RELN: variants seen among roughly 807,000 people sequenced by gnomAD.
The protein encoded by RELN is reelin.
A neutral mutation model predicts 427.6 loss-of-function variants in RELN; 108 were observed. The observed-to-expected ratio is 0.25, with a 90% CI of 0.22 to 0.30. The LOEUF (loss-of-function observed/expected upper bound fraction) is 0.30, where lower values mean the gene tolerates loss of function less well. RELN is among the 10% of genes least tolerant of loss of function. The probability of loss-of-function intolerance (pLI) is 1.00; values close to 1 mark genes in which losing one functional copy is unlikely to be tolerated. For missense variants in RELN, 3,715 were observed against 4,302.8 expected (o/e 0.86, Z 3.82); for synonymous variants, 1,524 against 1,513.4 (o/e 1.01, Z -0.16).
intron 3 of RELN, among the ~76,000 whole-genome samples, chr7:103,828,935 C>T (rs1400064377): frequency 6.6e-6 from 1 of 151,856 alleles, no homozygotes; most frequent in Non-Finnish European, 1.5e-5. Flanking sequence ...ATAAAATAGA[C>T]AAGTGGTCAT....
chr7:103,940,870 C>T (rs998983143), intron 1 of RELN, among the ~76,000 whole-genome samples: 10 of 152,154 alleles, frequency 6.6e-5, no homozygotes, highest in South Asian at 2.1e-4. Flanking sequence ...GCTGTGAGTA[C>T]TATTTCCTTC....
intron 2 of RELN, among the ~76,000 whole-genome samples, chr7:103,887,065 T>C (rs1794739950): frequency 6.6e-6 from 1 of 152,210 alleles, no homozygotes. Context: ...GAATAGTTAC[T>C]CCAAAGCCTC....
intron 1 of RELN, among the ~76,000 whole-genome samples, chr7:103,929,217 C>T (rs1795808799): frequency 6.6e-6 from 1 of 152,114 alleles, no homozygotes; most frequent in Admixed American, 6.5e-5. Context: ...AAATAGTGGT[C>T]AGTGATCATG....
intron 5 of RELN, 28 bp downstream of exon 5, chr7:103,753,154 T>G (rs756385971): frequency 1.2e-6 from 2 of 1,612,330 alleles, no homozygotes; most frequent in South Asian, 1.1e-5. Context: ...GTACTAAAGT[T>G]AATGACATCA....
intron 19 of RELN, among the ~76,000 whole-genome samples, chr7:103,630,614 A>G (rs935693673): frequency 6.6e-6 from 1 of 152,206 alleles, no homozygotes; most frequent in African/African-American, 2.4e-5. Context: ...ATTAAGAATA[A>G]TATCTAATTT....
intron 10 of RELN, among the ~76,000 whole-genome samples, chr7:103,697,083 T>C (rs1833991873): frequency 6.6e-6 from 1 of 152,100 alleles, no homozygotes. Context: ...AAACAACAAA[T>C]ATTTCTTACA....
intron 1 of RELN, among the ~76,000 whole-genome samples, chr7:103,922,904 G>A (rs944566828): frequency 6.8e-6 from 1 of 147,114 alleles, no homozygotes; most frequent in African/African-American, 2.7e-5. Flanking sequence ...AAGAAATTAA[G>A]TAATACTCGA....
intron 2 of RELN, among the ~76,000 whole-genome samples, chr7:103,863,172 G>A (rs1440066349): frequency 6.6e-6 from 1 of 152,144 alleles, no homozygotes; most frequent in Non-Finnish European, 1.5e-5. Flanking sequence ...ATAAAAAGAG[G>A]TGGATCATTT....
At chr7:103,939,837 G>A (rs116609664) in intron 1 of RELN, among the ~76,000 whole-genome samples, 24 of 152,270 alleles carry the variant, frequency 1.6e-4, no homozygotes, top group African/African-American at 5.5e-4. Flanking sequence ...ACATACTAAT[G>A]TGGTAAATAT....
chr7:103,525,605 A>G (rs1028409968), intron 46 of RELN, among the ~76,000 whole-genome samples: 13 of 152,156 alleles, frequency 8.5e-5, no homozygotes, highest in African/African-American at 2.9e-4. Flanking sequence ...ATGTCTGTTT[A>G]TCTGCAGCAA....
chr7:103,652,770 AAGG>A lies in RELN; in HGVS notation c.1555-14_1555-12del, dbSNP rs761053386. On this transcript the variant is annotated splice_polypyrimidine_tract_variant and intron_variant, in intron 13 of 64. Transcript: ENST00000428762. The stretch of plus-strand genomic sequence containing the variant: ...AACCAAAGACGGAACCTTTCAAACA[AAGG>A]AGACCAGAATCACTCAAAATCCTTT... 2 of 1,611,504 alleles carry A rather than the reference AAGG, an allele frequency of 1.2e-6. No homozygotes were observed. Among genetic ancestry groups the A allele is most frequent in the South Asian group, 1.1e-5 (1 of 91,014 alleles).
intron 13 of RELN, 49 bp from the exon 14 acceptor site, chr7:103,652,808 T>C: frequency 6.4e-7 from 1 of 1,553,012 alleles, no homozygotes; most frequent in Admixed American, 1.7e-5. Context: ...TCTAGGCTAG[T>C]CCATGTAAAT....
intron 11 of RELN, among the ~76,000 whole-genome samples, chr7:103,675,569 C>A (rs1014430603): frequency 6.6e-6 from 1 of 152,124 alleles, no homozygotes; most frequent in Non-Finnish European, 1.5e-5. Context: ...AAAAAGAGCC[C>A]ACATTGCCAA....
intron 10 of RELN, among the ~76,000 whole-genome samples, chr7:103,684,105 T>C (rs1833711581): frequency 1.3e-5 from 2 of 152,192 alleles, no homozygotes; most frequent in African/African-American, 4.8e-5. Context: ...AGTGAATTCC[T>C]GAGCTATTTG....
chr7:103,879,853 T>C (rs896354055), intron 2 of RELN, among the ~76,000 whole-genome samples: 3 of 152,146 alleles, frequency 2.0e-5, no homozygotes, highest in Admixed American at 2.0e-4. Flanking sequence ...AATAAAAACA[T>C]TTTTCTAAAA....
intron 2 of RELN, among the ~76,000 whole-genome samples, chr7:103,907,882 C>T (rs750293777): frequency 2.6e-5 from 4 of 151,630 alleles, no homozygotes; most frequent in African/African-American, 7.3e-5. Context: ...GTTTGCTGCA[C>T]GCATCAACCC....
At chr7:103,634,338 G>T (rs1208538985) in intron 19 of RELN, among the ~76,000 whole-genome samples, 1 of 152,090 alleles carries the variant, frequency 6.6e-6, no homozygotes, top group Non-Finnish European at 1.5e-5. Context: ...TACTCTGATG[G>T]AATTTTAACT....
At chr7:103,589,019 T>C (rs1831346298) in intron 28 of RELN, among the ~76,000 whole-genome samples, 1 of 152,212 alleles carries the variant, frequency 6.6e-6, no homozygotes, top group Admixed American at 6.5e-5. Flanking sequence ...TGATGTTGTG[T>C]GTATGTGGGT....
chr7:103,761,881 A>C (rs1033063650), intron 4 of RELN, among the ~76,000 whole-genome samples: 1 of 152,202 alleles, frequency 6.6e-6, no homozygotes, highest in African/African-American at 2.4e-5. Flanking sequence ...AAATTGACCC[A>C]AAACCTGAGA....
Sources: allele counts gnomAD v4.1 joint callset (sites outside exome capture counted in the v4.1 genomes callset), GRCh38; gene constraint gnomAD v4.1.1; transcripts MANE v1.5; gene names NCBI Gene and HGNC (gene_info 2026-07-23, HGNC 2026-07-21).